IKBKE: variants seen among roughly 807,000 people sequenced by gnomAD.
IKBKE encodes inhibitor of nuclear factor kappa B kinase subunit epsilon, also known as inhibitor of nuclear factor kappa-B kinase subunit epsilon.
Under a neutral mutation model 92.1 loss-of-function variants are expected in IKBKE, and 45 were observed. The ratio of observed to expected loss-of-function variants is 0.49; its 90% CI spans 0.38 to 0.63. The LOEUF is 0.63. Ranked by LOEUF, IKBKE falls within the 20% of genes least tolerant of loss-of-function variation. IKBKE has a pLI of 0.00. For synonymous variants in IKBKE, 374 were observed against 380.3 expected (o/e 0.98, Z 0.19); for missense variants, 700 against 932.8 (o/e 0.75, Z 3.25).
At chr1:206,471,792 A>G (rs1477473591) in intron 2 of IKBKE, among the ~76,000 whole-genome samples, 2 of 152,264 alleles carry the variant, frequency 1.3e-5, no homozygotes, top group Admixed American at 6.5e-5. Context: ...CTCTGGCTCA[A>G]TGAAATGACA....
chr1:206,488,037 T>A (rs2103477810), intron 16 of IKBKE, 47 bp downstream of exon 16: 3 of 1,413,368 alleles, frequency 2.1e-6, no homozygotes, highest in Non-Finnish European at 3.0e-6. Flanking sequence ...TCTGTCTCCC[T>A]TCTTTCGCCT....
At chr1:206,492,740 C>T (rs1558485236) in intron 18 of IKBKE, 1 of 582,044 alleles carries the variant, frequency 1.7e-6, no homozygotes, top group South Asian at 1.5e-5. Context: ...GCCACGCTCA[C>T]CATAGGTGGC....
rs1665081670 is a variant in IKBKE at position 206,476,693 on chromosome 1, G to A, written c.556G>A (p.Glu186Lys). 2 of 1,614,102 alleles carry A rather than the reference G, an allele frequency of 1.2e-6. No homozygotes were observed. The highest frequency in any genetic ancestry group is 1.7e-5 in the Admixed American group (1 of 60,014). ...TEEYLHPDMY[E>K]RAVLRKPQQK... ...TCTCCGGCAGCATCCCGACATGTAT[G>A]AGCGGGCGGTGCTTCGAAAGCCCCA... The change falls in exon 7 of 22, where the codon GAG becomes AAG. Residue 186 changes from glutamate (E) to lysine (K), a missense_variant. Glu to Lys is a moderately conservative substitution (Grantham distance 56). Coordinates refer to ENST00000581977, the MANE Select transcript of IKBKE (RefSeq NM_014002.4). This position sits in a 1 kb window ranked among gnomAD's most constrained non-coding sequence, Gnocchi z 5.1.
In IKBKE at chr1:206,479,132, C is replaced by T. The variant is rs140703169; in HGVS notation, c.1182C>T (p.Asp394=). The change falls in exon 10 of 22, where the codon GAC becomes GAT. Residue 394 remains aspartate (D), a splice_region_variant and synonymous_variant. Transcript: ENST00000581977. ...TAIPKGLAFR[D]PALDVPKFVP... ...TCCCTAAGGGGCTGGCCTTCAGGGA[C>T]CGTGAGTAGAGCCACCTGGGCTGGA... 4.6e-4 allele frequency: 732 copies of T among 1,590,554 alleles called. 1 individual carries two copies. Among genetic ancestry groups the T allele is most frequent in the South Asian group, 6.6e-4 (59 of 88,790 alleles).
At chr1:206,491,602 A>G (rs1553390359) in intron 17 of IKBKE, 46 bp from the exon 18 acceptor site, 3 of 1,358,300 alleles carry the variant, frequency 2.2e-6, no homozygotes, top group Non-Finnish European at 2.1e-6. Flanking sequence ...GCTTGTGCAT[A>G]GTGGTTCTGG....
Position 206,496,384 on chromosome 1 carries a change from C to G in IKBKE, c.*239C>G, listed in dbSNP as rs1292223202. The G allele has an allele frequency of 1.1e-5, 6 of 544,532 alleles. No individual in the cohort carries two copies. Among genetic ancestry groups the G allele is most frequent in the Non-Finnish European group, 2.0e-5 (6 of 303,804 alleles). The allele number at this position is 544,532 out of a possible 1,614,324, so 33.7% of individuals were successfully genotyped here. A position where few individuals can be genotyped will look rare whatever the true frequency, so the allele number is the denominator to read the frequency against. ...GGACCCACAGGAAAGAGTGTGGCAG[C>G]AACTGCCTGGCTGACCTTTCTATCT... On this transcript the variant is annotated 3_prime_UTR_variant, in exon 22 of 22. Coordinates refer to ENST00000581977, the MANE Select transcript of IKBKE (RefSeq NM_014002.4).
intron 13 of IKBKE, among the ~76,000 whole-genome samples, chr1:206,484,095 T>TTTGTATTGTATTGTA (rs56098571): frequency 0.065 from 7,982 of 122,062 alleles, 390 homozygotes; most frequent in Non-Finnish European, 0.084. Flanking sequence ...TGGCTTTTAT[T>TTTGTATTGTATTGTA]TTGTATTGTA....
At chr1:206,484,875 C>A in intron 13 of IKBKE, 122 bp from the exon 14 acceptor site, 1 of 765,616 alleles carries the variant, frequency 1.3e-6, no homozygotes, top group East Asian at 2.6e-5. Context: ...CCCAGAGACC[C>A]GGAGAGCCAC....
At chr1:206,481,155 T>C (rs17022427) in intron 13 of IKBKE, among the ~76,000 whole-genome samples, 38,184 of 152,106 alleles carry the variant, frequency 0.25, 5,451 homozygotes, top group East Asian at 0.62. Flanking sequence ...GAAGACTTCA[T>C]TGGCCAGAGC....
chr1:206,472,623 C>G (rs1276923227), intron 2 of IKBKE, among the ~76,000 whole-genome samples: 6 of 151,778 alleles, frequency 4.0e-5, no homozygotes, highest in African/African-American at 1.5e-4. Context: ...TCTGAAGCAG[C>G]CCCATCTCTC....
chr1:206,487,998 C>T lies in IKBKE; in HGVS notation c.1693+8C>T, dbSNP rs201296965. 117 of 1,606,414 alleles carry T rather than the reference C, an allele frequency of 7.3e-5. No homozygotes were observed. The highest frequency in any genetic ancestry group is 5.2e-5 in the Non-Finnish European group (61 of 1,173,812). On this transcript the variant is annotated splice_region_variant and intron_variant, in intron 16 of 21. Coordinates refer to ENST00000581977, the MANE Select transcript of IKBKE (RefSeq NM_014002.4). The surrounding 1 kb of genome is among the most constrained non-coding windows in gnomAD (Gnocchi z 5.3). The stretch of plus-strand genomic sequence containing the variant: ...AGTCTAGGATGAGGCCAGGTGAGCC[C>T]GGGGAGGGCAGATGCCCCTTCTCTC...
Position 206,476,086 on chromosome 1 carries a change from T to G in IKBKE, c.359-95T>G. 1 of 1,214,616 alleles carries G rather than the reference T, an allele frequency of 8.2e-7. No individual in the cohort carries two copies. Among genetic ancestry groups the G allele is most frequent in the South Asian group, 1.3e-5 (1 of 77,674 alleles). The allele number at this position is 1,214,616 out of a possible 1,614,324, so 75.2% of individuals were successfully genotyped here. ...GTCAGCCCATGGGAACTCCTGTCTC[T>G]CTGGATGCAAGGACAGCCTTCCCAC... On this transcript the variant is annotated intron_variant, in intron 5 of 21. Transcript: ENST00000581977. The surrounding 1 kb of genome is among the most constrained non-coding windows in gnomAD (Gnocchi z 5.1).
chr1:206,486,530 T>A (rs565764344), intron 15 of IKBKE, among the ~76,000 whole-genome samples: 182 of 148,466 alleles, frequency 1.2e-3, no homozygotes, highest in Middle Eastern at 3.7e-3. Context: ...CAAGGCCCCA[T>A]CCTTTTGGAT....
At chr1:206,480,596 G>A in intron 13 of IKBKE, 63 bp downstream of exon 13, 1 of 1,205,242 alleles carries the variant, frequency 8.3e-7, no homozygotes, top group East Asian at 2.5e-5. Flanking sequence ...CCTCACCCTA[G>A]ATACTTCCAA....
At chr1:206,470,800 G>A (rs1553383676) in intron 1 of IKBKE, 102 bp downstream of exon 1, 1 of 152,238 alleles carries the variant, frequency 6.6e-6, no homozygotes, top group African/African-American at 2.4e-5. Context: ...GGGCTTGTTG[G>A]CAGCGGTGCT....
intron 16 of IKBKE, among the ~76,000 whole-genome samples, chr1:206,489,311 C>T (rs1183785956): frequency 6.9e-6 from 1 of 145,984 alleles, no homozygotes; most frequent in Non-Finnish European, 1.5e-5. Context: ...TAACACATCT[C>T]TATTGGGAAA....
chr1:206,496,181 G>C lies in IKBKE; in HGVS notation c.*36G>C. Reference sequence around the variant, plus strand: ...GCACATGAGGCATCCTGAAGCATTAGAATGATTCCAACACTGCTCTTCTGC... The same window carrying C: ...GCACATGAGGCATCCTGAAGCATTACAATGATTCCAACACTGCTCTTCTGC... On this transcript the variant is annotated 3_prime_UTR_variant, in exon 22 of 22. Transcript: ENST00000581977. 1 of 1,569,772 alleles carries C rather than the reference G, an allele frequency of 6.4e-7. No individual in the cohort carries two copies. The highest frequency in any genetic ancestry group is 8.8e-7 in the Non-Finnish European group (1 of 1,139,344).
At position 206,490,919 on chromosome 1, in the gene IKBKE, C is replaced by G. The variant is rs376289362; in HGVS notation, c.1733+61C>G. ...GAGGGTGGGTGTCCTCAGGGCAGAG[C>G]GATTCTCAACGCCAGAGGAGAGGCA... On this transcript the variant is annotated intron_variant, in intron 17 of 21. Coordinates refer to ENST00000581977, the MANE Select transcript of IKBKE (RefSeq NM_014002.4). This position sits in a 1 kb window ranked among gnomAD's most constrained non-coding sequence, Gnocchi z 5.2. 1.4e-6 allele frequency: 2 copies of G among 1,448,840 alleles called. No individual in the cohort carries two copies. Among genetic ancestry groups the G allele is most frequent in the Admixed American group, 1.7e-5 (1 of 59,756 alleles). 89.7% of individuals were successfully genotyped at this position (1,448,840 alleles called of 1,614,324 possible). A position where few individuals can be genotyped will look rare whatever the true frequency, so the allele number is the denominator to read the frequency against.
chr1:206,484,095 T>TGTA (rs1665531199), intron 13 of IKBKE, among the ~76,000 whole-genome samples: 1 of 122,040 alleles, frequency 8.2e-6, no homozygotes. Context: ...TGGCTTTTAT[T>TGTA]TTGTATTGTA....
Sources: gnomAD v4.1 joint callset for allele counts (sites outside exome capture counted in the v4.1 genomes callset) on GRCh38, gnomAD v4.1.1 for gene constraint, Gnocchi (gnomAD v3.1) non-coding constraint, MANE v1.5 for transcripts, NCBI Gene and HGNC (gene_info 2026-07-23, HGNC 2026-07-21) for gene names.